KALRN: variants seen among roughly 807,000 people sequenced by gnomAD.
The protein encoded by KALRN is kalirin RhoGEF kinase.
A neutral mutation model predicts 353.7 loss-of-function variants in KALRN; 70 were observed. That is an observed-to-expected ratio of 0.20 (90% CI 0.16 to 0.24). The LOEUF (loss-of-function observed/expected upper bound fraction) is 0.24, where lower values mean the gene tolerates loss of function less well. Ranked by LOEUF, KALRN falls within the 10% of genes least tolerant of loss-of-function variation. The pLI, the probability that KALRN is intolerant of heterozygous loss-of-function variation, is 1.00. For synonymous variants in KALRN, 1,391 were observed against 1,434.8 expected (o/e 0.97, Z 0.69); for missense variants, 2,791 against 3,756.7 (o/e 0.74, Z 6.72).
chr3:124,069,318 AGGAGGAGGAGG>A (rs2042642258), intron 1 of KALRN, among the ~76,000 whole-genome samples: 3 of 7,284 alleles, frequency 4.1e-4, no homozygotes, highest in Non-Finnish European at 1.0e-3. Context: ...ACCTAGGAGG[AGGAGGAGGAGG>A]AGGAGGAGGA....
intron 10 of KALRN, among the ~76,000 whole-genome samples, chr3:124,348,260 C>T (rs764552081): frequency 3.9e-5 from 6 of 152,182 alleles, no homozygotes; most frequent in African/African-American, 1.2e-4. Context: ...GAGCTGACTT[C>T]GATCCCACCA....
At chr3:124,641,042 G>T (rs1035986388) in intron 37 of KALRN, among the ~76,000 whole-genome samples, 1 of 152,046 alleles carries the variant, frequency 6.6e-6, no homozygotes, top group African/African-American at 2.4e-5. Context: ...CCACCCAAAG[G>T]CCATGAGATC....
intron 45 of KALRN, among the ~76,000 whole-genome samples, chr3:124,664,121 C>A (rs574000238): frequency 1.3e-5 from 2 of 151,770 alleles, no homozygotes; most frequent in Admixed American, 1.3e-4. Flanking sequence ...GAGTTTTATA[C>A]ATTTTCCCTT....
intron 1 of KALRN, among the ~76,000 whole-genome samples, chr3:124,117,609 G>C (rs543332744): frequency 6.6e-6 from 1 of 152,252 alleles, no homozygotes; most frequent in Admixed American, 6.5e-5. Flanking sequence ...GGAAGAAGTA[G>C]AGGAACATTA....
At chr3:124,272,314 C>T (rs1476544455) in intron 5 of KALRN, among the ~76,000 whole-genome samples, 3 of 152,094 alleles carry the variant, frequency 2.0e-5, no homozygotes, top group Non-Finnish European at 2.9e-5. Flanking sequence ...AGGACAACAG[C>T]CCTGATGTGA....
intron 9 of KALRN, among the ~76,000 whole-genome samples, chr3:124,345,162 T>C (rs1276591304): frequency 6.6e-6 from 1 of 152,212 alleles, no homozygotes; most frequent in Non-Finnish European, 1.5e-5. Flanking sequence ...AACACATTCA[T>C]AAACGACCAC....
At chr3:124,287,219 T>C (rs1241321299) in intron 5 of KALRN, among the ~76,000 whole-genome samples, 2 of 152,188 alleles carry the variant, frequency 1.3e-5, no homozygotes, top group Non-Finnish European at 2.9e-5. Context: ...GTGTGACCTC[T>C]AAAATTTCTT....
chr3:124,511,871 C>A (rs2065942549), intron 33 of KALRN, among the ~76,000 whole-genome samples: 1 of 152,136 alleles, frequency 6.6e-6, no homozygotes, highest in Non-Finnish European at 1.5e-5. Flanking sequence ...TTACTGGAAT[C>A]CCATCCCTCA....
intron 1 of KALRN, among the ~76,000 whole-genome samples, chr3:124,144,688 CCTT>C (rs1391175843): frequency 1.3e-5 from 2 of 151,490 alleles, no homozygotes; most frequent in Non-Finnish European, 2.9e-5. Flanking sequence ...TCCTCTTCCT[CCTT>C]CTGGTTGCCA....
chr3:124,147,696 C>T (rs945417201), intron 1 of KALRN, among the ~76,000 whole-genome samples: 1 of 152,158 alleles, frequency 6.6e-6, no homozygotes, highest in Non-Finnish European at 1.5e-5. Context: ...AGTTTTTCTC[C>T]CATATTCTGA....
At chr3:124,278,539 A>G (rs867745141) in intron 5 of KALRN, among the ~76,000 whole-genome samples, 1 of 151,290 alleles carries the variant, frequency 6.6e-6, no homozygotes, top group African/African-American at 2.4e-5. Context: ...ATCAACAGAC[A>G]TTGAGTGTCT....
intron 1 of KALRN, among the ~76,000 whole-genome samples, chr3:124,209,202 A>C (rs2150482261): frequency 6.6e-6 from 1 of 152,092 alleles, no homozygotes; most frequent in East Asian, 1.9e-4. Flanking sequence ...TCAGAACTAG[A>C]GAGATTAGAA....
chr3:124,256,622 C>T (rs759963494), intron 3 of KALRN, among the ~76,000 whole-genome samples: 5 of 152,264 alleles, frequency 3.3e-5, no homozygotes, highest in South Asian at 4.1e-4. Context: ...AGTTGTGACA[C>T]GCCTATTCAT....
At chr3:124,686,192 T>G (rs768574041) in intron 51 of KALRN, among the ~76,000 whole-genome samples, 14 of 152,208 alleles carry the variant, frequency 9.2e-5, no homozygotes, top group Non-Finnish European at 2.1e-4. Context: ...CCTGGAGCCA[T>G]TTATTCATTC....
At chr3:124,390,779 A>G (rs1175196035) in intron 11 of KALRN, among the ~76,000 whole-genome samples, 1 of 152,136 alleles carries the variant, frequency 6.6e-6, no homozygotes, top group African/African-American at 2.4e-5. Flanking sequence ...AAAGTGATGA[A>G]ATTAAATGAC....
chr3:124,471,256 T>TTTATTATTATTATTA (rs139584790), intron 25 of KALRN, among the ~76,000 whole-genome samples: 10 of 138,810 alleles, frequency 7.2e-5, no homozygotes, highest in South Asian at 4.9e-4. Context: ...CCCACAAAGT[T>TTTATTATTATTATTA]TTATTATTAT....
chr3:124,662,479 C>A (rs570118425), intron 45 of KALRN, among the ~76,000 whole-genome samples: 1 of 152,128 alleles, frequency 6.6e-6, no homozygotes, highest in Non-Finnish European at 1.5e-5. Context: ...CTCTTCCTTT[C>A]CCTTCTTGAT....
rs1465701060 is a variant in KALRN, at chr3:124,461,414, C to A, written c.3855-476C>A. 7.2e-5 allele frequency among the ~76,000 whole-genome samples: 11 copies of A among 151,886 alleles called. 1 individual carries two copies. The highest frequency in any genetic ancestry group is 7.2e-4 in the Admixed American group (11 of 15,246). On this transcript the variant is annotated intron_variant, in intron 23 of 59. Coordinates refer to ENST00000682506, the MANE Select transcript of KALRN (RefSeq NM_001388419.1). ...TGGACCTCTTTTCCTGGCTTTGAAACCTGGTTTATTATGATACTAAGAACT... is the reference window on the plus strand; with the variant it reads ...TGGACCTCTTTTCCTGGCTTTGAAAACTGGTTTATTATGATACTAAGAACT...
intron 14 of KALRN, among the ~76,000 whole-genome samples, chr3:124,420,417 T>G (rs558620474): frequency 6.6e-6 from 1 of 152,364 alleles, no homozygotes; most frequent in South Asian, 2.1e-4. Context: ...GAGCGTCTGC[T>G]TCTGCAGATG....
Sources: allele counts gnomAD v4.1 joint callset (sites outside exome capture counted in the v4.1 genomes callset), GRCh38; gene constraint gnomAD v4.1.1; transcripts MANE v1.5; gene names NCBI Gene and HGNC (gene_info 2026-07-23, HGNC 2026-07-21).